ACTR5: variants seen among roughly 807,000 people sequenced by gnomAD.
ACTR5 encodes actin related protein 5, also known as actin-related protein 5.
In ACTR5, 43 loss-of-function variants were observed where a neutral mutation model predicts 61.2. The ratio of observed to expected loss-of-function variants is 0.70; its 90% CI spans 0.55 to 0.91. The LOEUF (loss-of-function observed/expected upper bound fraction) is 0.91. Among genes scored for constraint, ACTR5 ranks in the 40% least tolerant of loss-of-function variants. ACTR5 has a pLI of 0.00. For synonymous variants in ACTR5, 333 were observed against 310.5 expected (o/e 1.07, Z -0.76); for missense variants, 798 against 782.2 (o/e 1.02, Z -0.24).
At chr20:38,761,067 C>T (rs2084451042) in intron 5 of ACTR5, among the ~76,000 whole-genome samples, 1 of 152,094 alleles carries the variant, frequency 6.6e-6, no homozygotes, top group African/African-American at 2.4e-5. Flanking sequence ...AGGAGTGCAC[C>T]ACCATGCCCG....
At chr20:38,767,186 C>T (rs950013944) in intron 7 of ACTR5, among the ~76,000 whole-genome samples, 2 of 152,064 alleles carry the variant, frequency 1.3e-5, no homozygotes, top group African/African-American at 4.8e-5. Flanking sequence ...AATTTATCCT[C>T]AAGTTTATTT....
intron 5 of ACTR5, among the ~76,000 whole-genome samples, chr20:38,762,471 C>CA (rs1568636928): frequency 6.6e-6 from 1 of 152,214 alleles, no homozygotes; most frequent in African/African-American, 2.4e-5. Context: ...GGGGAGGAAA[C>CA]AAAGACCCTC....
chr20:38,763,911 A>T (rs2084469986), intron 5 of ACTR5, among the ~76,000 whole-genome samples: 1 of 152,200 alleles, frequency 6.6e-6, no homozygotes, highest in African/African-American at 2.4e-5. Context: ...CAAGTCTCAC[A>T]TGAAGAAACA....
chr20:38,761,751 A>T (rs999225584), intron 5 of ACTR5: 1 of 154,142 alleles, frequency 6.5e-6, no homozygotes, highest in South Asian at 2.1e-4. Flanking sequence ...TAGAACCTCC[A>T]AACAAGCGCT....
chr20:38,760,340 TATC>T (rs2084446249), intron 5 of ACTR5, among the ~76,000 whole-genome samples: 1 of 152,162 alleles, frequency 6.6e-6, no homozygotes, highest in Non-Finnish European at 1.5e-5. Context: ...GCCTGCATAT[TATC>T]CTTCAGACAT....
chr20:38,771,676 G>A lies in ACTR5; in HGVS notation c.1684G>A (p.Gly562Arg). The A allele has an allele frequency of 1.9e-6, 3 of 1,614,216 alleles. No homozygotes were observed. Among genetic ancestry groups the A allele is most frequent in the East Asian group, 2.2e-5 (1 of 44,888 alleles). Residue 562 changes from glycine (G) to arginine (R), a missense_variant, in exon 9 of 9, where the codon GGA becomes AGA. Transcript: ENST00000243903. ...CAGGAAAGAGTATGAAGAAAAGGGA[G>A]GAGAGTACCTCAAGGAGCACTGTGC... ...ITRKEYEEKG[G>R]EYLKEHCASN... is the part of the protein sequence containing the mutation.
intron 3 of ACTR5, 138 bp downstream of exon 3, chr20:38,752,438 T>C: frequency 1.0e-6 from 1 of 989,118 alleles, no homozygotes; most frequent in Non-Finnish European, 1.4e-6. Flanking sequence ...CTTAAACTAT[T>C]CAGTAAACTG....
At chr20:38,761,787 G>T in intron 5 of ACTR5, 1 of 153,068 alleles carries the variant, frequency 6.5e-6, no homozygotes. Flanking sequence ...AGATAAGGAA[G>T]TAGAATGAAG....
chr20:38,754,825 G>A (rs1311291538), intron 3 of ACTR5, 132 bp from the exon 4 acceptor site: 15 of 767,626 alleles, frequency 2.0e-5, no homozygotes, highest in African/African-American at 5.2e-5. Context: ...TCCTGACCTC[G>A]TGATCCGCCC....
At chr20:38,754,285 A>C (rs112203619) in intron 3 of ACTR5, among the ~76,000 whole-genome samples, 4 of 152,184 alleles carry the variant, frequency 2.6e-5, no homozygotes, top group East Asian at 3.9e-4. Flanking sequence ...CTTACTTAGC[A>C]GTTCTTTTAG....
chr20:38,756,904 CAAAA>C (rs988170359), intron 5 of ACTR5, among the ~76,000 whole-genome samples: 1 of 151,710 alleles, frequency 6.6e-6, no homozygotes, highest in Non-Finnish European at 1.5e-5. Context: ...AACTCCATCT[CAAAA>C]AAAATAAATA....
Position 38,756,865 on chromosome 20 carries a change from T to C in ACTR5, c.1176+826T>C, listed in dbSNP as rs139157323. Among the ~76,000 whole-genome samples, 880 of 152,308 alleles carry C rather than the reference T, an allele frequency of 5.8e-3. 6 individuals carry two copies. The highest frequency in any genetic ancestry group is 0.02 in the African/African-American group (840 of 41,574). ...GTTGCAGTGAGCCGAGACCGCTCCG[T>C]TGCACTCCAGCCTGGGCAACAAGAG... On this transcript the variant is annotated intron_variant, in intron 5 of 8. Transcript: ENST00000243903.
intron 1 of ACTR5, among the ~76,000 whole-genome samples, chr20:38,749,496 G>A (rs2084373562): frequency 6.6e-6 from 1 of 152,222 alleles, no homozygotes. Flanking sequence ...TGTCAGAGAG[G>A]TAGTGGAGAG....
At chr20:38,749,071 G>A (rs1316687350) in intron 1 of ACTR5, among the ~76,000 whole-genome samples, 1 of 152,182 alleles carries the variant, frequency 6.6e-6, no homozygotes. Flanking sequence ...TTGTTAAGAA[G>A]CCCATTTATT....
intron 8 of ACTR5, among the ~76,000 whole-genome samples, chr20:38,770,108 T>TC (rs751903778): frequency 1.8e-4 from 27 of 151,776 alleles, no homozygotes; most frequent in African/African-American, 6.3e-4. Context: ...TAGCCTCAGC[T>TC]CCCCCCTCCC....
At chr20:38,767,721 T>A in intron 8 of ACTR5, 125 bp downstream of exon 8, 3 of 1,086,530 alleles carry the variant, frequency 2.8e-6, no homozygotes, top group Non-Finnish European at 3.9e-6. Flanking sequence ...TGGTCTTAAG[T>A]CCATGCTTAA....
intron 8 of ACTR5, among the ~76,000 whole-genome samples, chr20:38,770,749 C>T (rs2145679771): frequency 6.6e-6 from 1 of 152,344 alleles, no homozygotes; most frequent in Middle Eastern, 3.4e-3. Flanking sequence ...TCCTCATTCA[C>T]AGGCCCCTTG....
chr20:38,771,184 C>CT (rs2145680097), intron 8 of ACTR5, among the ~76,000 whole-genome samples: 1 of 152,342 alleles, frequency 6.6e-6, no homozygotes, highest in South Asian at 2.1e-4. Context: ...CTGTTTCCCT[C>CT]TACTCAGAGT....
intron 8 of ACTR5, among the ~76,000 whole-genome samples, chr20:38,771,018 C>A (rs890041098): frequency 2.6e-5 from 4 of 152,236 alleles, no homozygotes; most frequent in Non-Finnish European, 4.4e-5. Context: ...AGCCGAGGGC[C>A]TTCTCAGAGC....
Sources: gnomAD v4.1 joint callset for allele counts (sites outside exome capture counted in the v4.1 genomes callset) on GRCh38, gnomAD v4.1.1 for gene constraint, MANE v1.5 for transcripts, NCBI Gene and HGNC (gene_info 2026-07-23, HGNC 2026-07-21) for gene names.